Variants in RRN3 observed in about 807,000 individuals in gnomAD.
The protein encoded by RRN3 is RNA polymerase I-specific transcription initiation factor RRN3.
Under a neutral mutation model 82.3 loss-of-function variants are expected in RRN3, and 38 were observed. The observed-to-expected ratio is 0.46, with a 90% CI of 0.36 to 0.61. The LOEUF is 0.61. Ranked by LOEUF, RRN3 falls within the 20% of genes least tolerant of loss-of-function variation. The probability of loss-of-function intolerance (pLI) is 0.00; values close to 1 mark genes in which losing one functional copy is unlikely to be tolerated. For missense variants in RRN3, 726 were observed against 793.1 expected (o/e 0.92, Z 1.02); for synonymous variants, 284 against 284.3 (o/e 1.00, Z 0.01).
intron 1 of RRN3, among the ~76,000 whole-genome samples, chr16:15,093,161 T>C (rs955384040): frequency 2.0e-5 from 3 of 152,094 alleles, no homozygotes; most frequent in African/African-American, 4.8e-5. Flanking sequence ...CCTGCCACCA[T>C]GCCCGGCTGA....
rs2045381069 is a variant in RRN3 at position 15,074,801 on chromosome 16, C to G, written c.919G>C (p.Val307Leu). 3 of 1,614,040 alleles carry G rather than the reference C, an allele frequency of 1.9e-6. No individual in the cohort carries two copies. The highest frequency in any genetic ancestry group is 2.5e-6 in the Non-Finnish European group (3 of 1,179,984). The change falls in exon 11 of 18, where the codon GTG (valine) becomes CTG (leucine). Residue 307 changes from valine (V) to leucine (L), a missense_variant. By Grantham distance (32) the Val-to-Leu change is conservative (BLOSUM62 1). This residue lies in a region of RRN3 where 344 missense variants were observed against 394.5 expected (regional missense o/e 0.87). Coordinates refer to ENST00000198767, the MANE Select transcript of RRN3 (RefSeq NM_018427.5). ...TCCAGGCGCTCGGCTACAGGATGCA[C>G]CATCTGGTCGAGCCGTTCAGGACCA... is the stretch of plus-strand genomic sequence containing the variant. ...KAGPERLDQM[V>L]HPVAERLDIL...
chr16:15,073,511 C>T (rs1456099007), intron 11 of RRN3, among the ~76,000 whole-genome samples: 1 of 152,116 alleles, frequency 6.6e-6, no homozygotes, highest in African/African-American at 2.4e-5. Context: ...AAACAAAATG[C>T]TACTTTTAGT....
At chr16:15,074,943 T>C in intron 10 of RRN3, 82 bp from the exon 11 acceptor site, 1 of 1,350,920 alleles carries the variant, frequency 7.4e-7, no homozygotes, top group Admixed American at 2.4e-5. Context: ...TAAGTGATTA[T>C]TTCCCTTAAA....
At chr16:15,082,951 A>G (rs1231133678) in intron 8 of RRN3, among the ~76,000 whole-genome samples, 2 of 152,254 alleles carry the variant, frequency 1.3e-5, no homozygotes, top group African/African-American at 2.4e-5. Context: ...GCATAAAGCC[A>G]CTACAGATAT....
At chr16:15,074,982 G>T in intron 10 of RRN3, 121 bp from the exon 11 acceptor site, 4 of 1,029,850 alleles carry the variant, frequency 3.9e-6, no homozygotes, top group Non-Finnish European at 5.5e-6. Context: ...GGGGAAAGCG[G>T]CTCACATCTA....
At position 15,065,151 on chromosome 16, in the gene RRN3, G is replaced by GT. The variant is rs2044910361; in HGVS notation, c.1706+67dup. ...ACCGCACTCCAGCCTGGGCGACAGA[G>GT]TGAGACTCCGTCTCAAAAAAAAAAA... On this transcript the variant is annotated intron_variant, in intron 16 of 17. Transcript: ENST00000198767. 17 of 1,488,666 alleles carry GT rather than the reference G, an allele frequency of 1.1e-5. No homozygotes were observed. In the East Asian group the frequency reaches 3.9e-4, roughly 34 times the overall value. The allele number at this position is 1,488,666 out of a possible 1,614,324, so 92.2% of individuals were successfully genotyped here.
Position 15,086,262 on chromosome 16 carries a change from G to C in RRN3, c.343-4C>G, listed in dbSNP as rs763134351. 2 of 1,563,994 alleles carry C rather than the reference G, an allele frequency of 1.3e-6. No homozygotes were observed. Among genetic ancestry groups the C allele is most frequent in the Non-Finnish European group, 8.7e-7 (1 of 1,149,488 alleles). On this transcript the variant is annotated splice_polypyrimidine_tract_variant and splice_region_variant and intron_variant, in intron 4 of 17. Coordinates refer to ENST00000198767, the MANE Select transcript of RRN3 (RefSeq NM_018427.5). Reference sequence around the variant, plus strand: ...TTCTATTCAACCAAGGCAATCTCTAGAGTGGGGGAAGAAAGATAAAAGCAG... The same window carrying C: ...TTCTATTCAACCAAGGCAATCTCTACAGTGGGGGAAGAAAGATAAAAGCAG...
rs761154381 is a variant in RRN3, at chr16:15,086,229, T to A, written c.372A>T (p.Thr124=). 21 of 1,585,874 alleles carry A rather than the reference T, an allele frequency of 1.3e-5. No individual in the cohort carries two copies. The African/African-American group carries it at 2.8e-4, about 21-fold the overall frequency. The part of the protein sequence containing the change: ...LRLPWLNRSQ[T]VVEEYLAFLG... ...GAAAAGCCAAATACTCTTCCACTAC[T>A]GTTTGACTTCTATTCAACCAAGGCA... The change falls in exon 5 of 18, where the codon ACA becomes ACT. Residue 124 remains threonine, a synonymous_variant. Transcript: ENST00000198767.
At chr16:15,068,092 A>T in intron 15 of RRN3, 77 bp downstream of exon 15, 1 of 1,498,318 alleles carries the variant, frequency 6.7e-7, no homozygotes, top group Non-Finnish European at 9.1e-7. Flanking sequence ...ATAGAAATTT[A>T]ACACTCTTAC....
chr16:15,076,963 T>A (rs994512068), intron 9 of RRN3, among the ~76,000 whole-genome samples: 1 of 149,238 alleles, frequency 6.7e-6, no homozygotes, highest in Non-Finnish European at 1.5e-5. Flanking sequence ...TCTGGCTCTG[T>A]GTCCCCACCC....
intron 3 of RRN3, among the ~76,000 whole-genome samples, chr16:15,089,538 C>A (rs375836108): frequency 6.6e-6 from 1 of 152,108 alleles, no homozygotes; most frequent in Non-Finnish European, 1.5e-5. Flanking sequence ...TGGTTACTCA[C>A]GCCTCTAATC....
chr16:15,063,925 G>A (rs1029933799), intron 16 of RRN3, among the ~76,000 whole-genome samples: 5 of 152,018 alleles, frequency 3.3e-5, no homozygotes, highest in Admixed American at 2.6e-4. Flanking sequence ...AAATGAAACC[G>A]TAATATTCTG....
Position 15,093,924 on chromosome 16 carries a change from G to C in RRN3, c.89+221C>G. 4 of 547,746 alleles carry C rather than the reference G, an allele frequency of 7.3e-6. No homozygotes were observed. The South Asian group carries it at 9.7e-5, about 13-fold the overall frequency. The allele number at this position is 547,746 out of a possible 1,614,324, so 33.9% of individuals were successfully genotyped here. On this transcript the variant is annotated intron_variant, in intron 1 of 17. Coordinates refer to ENST00000198767, the MANE Select transcript of RRN3 (RefSeq NM_018427.5). ...CACGAAGAGACACAGTCGGGAAAGGGGGCCTCCAGAACAGAGAACATAGTC... is the reference window on the plus strand; with the variant it reads ...CACGAAGAGACACAGTCGGGAAAGGCGGCCTCCAGAACAGAGAACATAGTC...
intron 10 of RRN3, among the ~76,000 whole-genome samples, chr16:15,075,938 AG>A (rs1315794853): frequency 6.6e-6 from 1 of 152,136 alleles, no homozygotes; most frequent in Non-Finnish European, 1.5e-5. Flanking sequence ...CACTCTTTCC[AG>A]CCCCTCCCCC....
intron 3 of RRN3, among the ~76,000 whole-genome samples, chr16:15,087,793 A>T (rs2045966741): frequency 6.6e-6 from 1 of 152,224 alleles, no homozygotes; most frequent in Non-Finnish European, 1.5e-5. Flanking sequence ...CAAAACTATA[A>T]GGATAACATT....
intron 2 of RRN3, among the ~76,000 whole-genome samples, chr16:15,091,751 A>G (rs2046138227): frequency 6.6e-6 from 1 of 152,238 alleles, no homozygotes; most frequent in Non-Finnish European, 1.5e-5. Flanking sequence ...ATATAAACAT[A>G]TGGTTACTTA....
At chr16:15,071,925 G>A (rs2045249204) in intron 12 of RRN3, among the ~76,000 whole-genome samples, 1 of 152,086 alleles carries the variant, frequency 6.6e-6, no homozygotes, top group South Asian at 2.1e-4. Flanking sequence ...ACATCCCATG[G>A]AGCTCCACAT....
At position 15,078,834 on chromosome 16, in the gene RRN3, C is replaced by G. The variant is rs1448158088; in HGVS notation, c.765+1164G>C. On this transcript the variant is annotated intron_variant, in intron 9 of 17. Coordinates refer to ENST00000198767, the MANE Select transcript of RRN3 (RefSeq NM_018427.5). ...TTTCTTTTTTTTTTTTTTTTTGAGA[C>G]AGAGTCTTGCTCTGTCACCCAGGCT... Among the ~76,000 whole-genome samples the G allele has an allele frequency of 4.4e-5, 6 of 135,832 alleles. No homozygotes were observed. The Admixed American group carries it at 4.8e-4, about 11-fold the overall frequency. 89.1% of individuals were successfully genotyped at this position (135,832 alleles called of 152,430 possible). A position where few individuals can be genotyped will look rare whatever the true frequency, so the allele number is the denominator to read the frequency against.
rs537511086 is a variant in RRN3 at position 15,083,778 on chromosome 16, G to C, written c.597-196C>G. 4 of 583,310 alleles carry C rather than the reference G, an allele frequency of 6.9e-6. No homozygotes were observed. The African/African-American group carries it at 7.7e-5, about 11-fold the overall frequency. The allele number at this position is 583,310 out of a possible 1,614,324, so 36.1% of individuals were successfully genotyped here. On this transcript the variant is annotated intron_variant, in intron 7 of 17. Coordinates refer to ENST00000198767, the MANE Select transcript of RRN3 (RefSeq NM_018427.5). ...GTTGCCCAGGCTGGAGTGCAGTGGC[G>C]CAATCTCAGCTCACTGCAACCTCCG...
Sources: allele counts gnomAD v4.1 joint callset (sites outside exome capture counted in the v4.1 genomes callset), GRCh38; gene constraint gnomAD v4.1.1; regional missense constraint gnomAD v4.1.1; transcripts MANE v1.5; gene names NCBI Gene and HGNC (gene_info 2026-07-23, HGNC 2026-07-21).